The following FKBP4 variants were observed in gnomAD, a reference collection of about 807,000 sequenced individuals.
The protein encoded by FKBP4 is peptidyl-prolyl cis-trans isomerase FKBP4.
FKBP4 carries 28 observed loss-of-function variants against 54.1 expected under a neutral mutation model. That is an observed-to-expected ratio of 0.52 (90% CI 0.38 to 0.71). The LOEUF (loss-of-function observed/expected upper bound fraction) is 0.71. FKBP4 is among the 30% of genes least tolerant of loss of function. FKBP4 has a pLI of 0.00. For missense variants in FKBP4, 493 were observed against 574.4 expected (o/e 0.86, Z 1.45); for synonymous variants, 223 against 216.1 (o/e 1.03, Z -0.28).
In FKBP4 at chr12:2,804,410, T is replaced by C. The variant is rs768761580; in HGVS notation, c.*1152T>C. On this transcript the variant is annotated 3_prime_UTR_variant, in exon 10 of 10. Transcript: ENST00000001008. ...ACCTCCTCCTGTCAGATAACTTACA[T>C]GATTAAGGTTAAGAGTAAAGCAGAG... The C allele has an allele frequency of 5.3e-5, 8 of 152,240 alleles. No homozygotes were observed. The highest frequency in any genetic ancestry group is 1.2e-4 in the Non-Finnish European group (8 of 68,038). The allele number at this position is 152,240 out of a possible 1,614,324, so 9.4% of individuals were successfully genotyped here.
rs1436259321 is a variant in FKBP4 at position 2,804,931 on chromosome 12, G to A, written c.*1673G>A. Reference sequence around the variant, plus strand: ...CCATCTCTTTTTTAAAAAAGTCCCTGTGTAACTGCTTTCTTACTGGGCTTA... The same window carrying A: ...CCATCTCTTTTTTAAAAAAGTCCCTATGTAACTGCTTTCTTACTGGGCTTA... On this transcript the variant is annotated 3_prime_UTR_variant, in exon 10 of 10. Transcript: ENST00000001008. 2 of 232,768 alleles carry A rather than the reference G, an allele frequency of 8.6e-6. No individual in the cohort carries two copies. The highest frequency in any genetic ancestry group is 8.7e-6 in the Non-Finnish European group (1 of 114,860). The allele number at this position is 232,768 out of a possible 1,614,324, so 14.4% of individuals were successfully genotyped here.
chr12:2,797,603 T>C, intron 2 of FKBP4, 126 bp from the exon 3 acceptor site: 1 of 1,182,868 alleles, frequency 8.5e-7, no homozygotes, highest in Non-Finnish European at 1.2e-6. Flanking sequence ...TACCTCACCT[T>C]CTGGTCCCAT....
Position 2,801,267 on chromosome 12 carries a change from G to T in FKBP4, c.1183G>T (p.Val395Leu), listed in dbSNP as rs771391455. 1 of 1,613,900 alleles carries T rather than the reference G, an allele frequency of 6.2e-7. No homozygotes were observed. Among genetic ancestry groups the T allele is most frequent in the Non-Finnish European group, 8.5e-7 (1 of 1,180,040 alleles). ...NNKAAKTQLA[V>L]CQQRIRRQLA... ...CAAAGCCGCCAAGACCCAGCTGGCT[G>T]TGTGCCAGCAGCGGATCCGAAGGCA... The change falls in exon 9 of 10, where the codon GTG (valine) becomes TTG (leucine). Residue 395 changes from valine to leucine, a missense_variant. Transcript: ENST00000001008.
rs200812215 is a variant in FKBP4, at chr12:2,801,100, C to A, written c.1033-17C>A. On this transcript the variant is annotated splice_polypyrimidine_tract_variant and intron_variant, in intron 8 of 9. Transcript: ENST00000001008. ...CCCTGAGCTCCCACAATGTGGCTTC[C>A]TCTCTGCATTCTTTAGGCCCTAGAA... The A allele has an allele frequency of 6.2e-7, 1 of 1,612,980 alleles. No individual in the cohort carries two copies. Among genetic ancestry groups the A allele is most frequent in the African/African-American group, 1.3e-5 (1 of 74,970 alleles).
At chr12:2,796,493 AAAG>A (rs1565395907) in intron 1 of FKBP4, 9 of 1,205,348 alleles carry the variant, frequency 7.5e-6, no homozygotes, top group Non-Finnish European at 9.5e-6. Flanking sequence ...AGGTGGCGCT[AAAG>A]AAGCCTTTAC....
At chr12:2,800,291 G>A in intron 7 of FKBP4, 101 bp from the exon 8 acceptor site, 2 of 1,418,600 alleles carry the variant, frequency 1.4e-6, no homozygotes, top group Admixed American at 2.0e-5. Flanking sequence ...AAGGGTGGGA[G>A]CAGGAACCTC....
At chr12:2,800,933 G>A (rs2097904396) in intron 8 of FKBP4, among the ~76,000 whole-genome samples, 184 bp from the exon 9 acceptor site, 1 of 147,650 alleles carries the variant, frequency 6.8e-6, no homozygotes, top group Admixed American at 6.8e-5. Flanking sequence ...CTCTCTGCCT[G>A]TTGGATTAAA....
At chr12:2,796,245 T>C in intron 1 of FKBP4, 1 of 1,289,210 alleles carries the variant, frequency 7.8e-7, no homozygotes, top group South Asian at 1.2e-5. Flanking sequence ...GGTCCAGAAG[T>C]GCATCTGTCT....
rs763351881 is a variant in FKBP4, at chr12:2,797,784, G to A, written c.306G>A (p.Val102=). The change falls in exon 3 of 10, where the codon GTG becomes GTA. Residue 102 remains valine (V), a synonymous_variant. Coordinates refer to ENST00000001008, the MANE Select transcript of FKBP4 (RefSeq NM_002014.4). ...IAIATMKVGE[V]CHITCKPEYA... Reference sequence around the variant, plus strand: ...TAGCCACCATGAAGGTGGGGGAGGTGTGCCACATCACCTGCAAACCAGAAT... The same window carrying A: ...TAGCCACCATGAAGGTGGGGGAGGTATGCCACATCACCTGCAAACCAGAAT... The A allele has an allele frequency of 6.2e-7, 1 of 1,614,012 alleles. No homozygotes were observed. Among genetic ancestry groups the A allele is most frequent in the South Asian group, 1.1e-5 (1 of 91,068 alleles).
chr12:2,798,790 G>T lies in FKBP4; in HGVS notation c.478G>T (p.Gly160Cys). 1 of 1,614,210 alleles carries T rather than the reference G, an allele frequency of 6.2e-7. No homozygotes were observed. The highest frequency in any genetic ancestry group is 1.7e-5 in the Admixed American group (1 of 60,036). The change falls in exon 4 of 10, where the codon GGC becomes TGC. Residue 160 changes from glycine to cysteine, a missense_variant. By Grantham distance (159) the Gly-to-Cys change is radical. Coordinates refer to ENST00000001008, the MANE Select transcript of FKBP4 (RefSeq NM_002014.4). This position sits in a 1 kb window ranked among gnomAD's most constrained non-coding sequence, Gnocchi z 4.3. ...TCGCAGAATACAGACTCGCGGTGAA[G>T]GCTATGCTAAGCCCAATGAGGGTGC... is the stretch of plus-strand genomic sequence containing the variant. The part of the protein sequence containing the change: ...IIRRIQTRGE[G>C]YAKPNEGAIV...
intron 9 of FKBP4, chr12:2,801,617 C>T (rs957878642): frequency 2.3e-5 from 13 of 560,838 alleles, no homozygotes; most frequent in East Asian, 4.2e-5. Context: ...GGCCAGGCGC[C>T]GTGGCTCACA....
At chr12:2,797,916 T>C in intron 3 of FKBP4, 45 bp downstream of exon 3, 2 of 1,581,812 alleles carry the variant, frequency 1.3e-6, no homozygotes, top group Non-Finnish European at 8.6e-7. Flanking sequence ...CCAGGCCTTA[T>C]CTCAGCCCAA....
At chr12:2,796,955 A>G (rs2097902194) in intron 1 of FKBP4, 183 bp from the exon 2 acceptor site, 2 of 1,381,804 alleles carry the variant, frequency 1.4e-6, no homozygotes. Flanking sequence ...ACCTCAAGAA[A>G]GACAAGAAGG....
At position 2,803,298 on chromosome 12, in the gene FKBP4, C is replaced by T. The variant is rs373364321; in HGVS notation, c.*40C>T. Reference sequence around the variant, plus strand: ...CCCTACTCCTGCGGCTGCCTGCCCCCCAGTCTCCCCACTCCACCCTGTTAG... The same window carrying T: ...CCCTACTCCTGCGGCTGCCTGCCCCTCAGTCTCCCCACTCCACCCTGTTAG... On this transcript the variant is annotated 3_prime_UTR_variant, in exon 10 of 10. Transcript: ENST00000001008. 1.8e-4 allele frequency: 242 copies of T among 1,365,264 alleles called. 4 individuals are homozygous for T. The South Asian group carries it at 2.9e-3, about 16-fold the overall frequency. 84.6% of individuals were successfully genotyped at this position (1,365,264 alleles called of 1,614,324 possible).
Position 2,803,362 on chromosome 12 carries a change from T to C in FKBP4, c.*104T>C, listed in dbSNP as rs948320054. 44 of 778,660 alleles carry C rather than the reference T, an allele frequency of 5.7e-5. No individual in the cohort carries two copies. The highest frequency in any genetic ancestry group is 2.3e-5 in the Admixed American group (1 of 43,646). The allele number at this position is 778,660 out of a possible 1,614,324, so 48.2% of individuals were successfully genotyped here. On this transcript the variant is annotated 3_prime_UTR_variant, in exon 10 of 10. Coordinates refer to ENST00000001008, the MANE Select transcript of FKBP4 (RefSeq NM_002014.4). The stretch of plus-strand genomic sequence containing the variant: ...GAAGAATTTTGAGTGAATTAGACCT[T>C]TATTTTTCTATCTGGTTGGATGGTG...
In FKBP4 at chr12:2,795,937, C is replaced by G. The variant is rs576452622; in HGVS notation, c.105+693C>G. The G allele has an allele frequency of 2.9e-6, 3 of 1,025,042 alleles. No homozygotes were observed. The highest frequency in any genetic ancestry group is 9.9e-5 in the East Asian group (1 of 10,072). 63.5% of individuals were successfully genotyped at this position (1,025,042 alleles called of 1,614,324 possible). A position where few individuals can be genotyped will look rare whatever the true frequency, so the allele number is the denominator to read the frequency against. On this transcript the variant is annotated intron_variant, in intron 1 of 9. Coordinates refer to ENST00000001008, the MANE Select transcript of FKBP4 (RefSeq NM_002014.4). This position sits in a 1 kb window ranked among gnomAD's most constrained non-coding sequence, Gnocchi z 4.3. The stretch of plus-strand genomic sequence containing the variant: ...GCCGGGAGCTGTAGTCCCCTCCCCC[C>G]TCCGCCGCCTCCCGGAGCCAGGGCT...
At chr12:2,801,514 A>C (rs981438271) in intron 9 of FKBP4, 158 bp downstream of exon 9, 1 of 1,046,332 alleles carries the variant, frequency 9.6e-7, no homozygotes, top group African/African-American at 1.6e-5. Context: ...TGTTGGGGCC[A>C]GTGTTCTGTG....
At chr12:2,797,071 C>T in intron 1 of FKBP4, 67 bp from the exon 2 acceptor site, 1 of 1,594,950 alleles carries the variant, frequency 6.3e-7, no homozygotes, top group South Asian at 1.1e-5. Context: ...TGGAGGCTTG[C>T]AGGCAGTGCT....
At chr12:2,796,877 C>CAA (rs1401815861) in intron 1 of FKBP4, 9 of 1,274,240 alleles carry the variant, frequency 7.1e-6, no homozygotes, top group Non-Finnish European at 7.9e-6. Flanking sequence ...AAAAACTTAC[C>CAA]ATACAGCGGA....
Sources: allele counts gnomAD v4.1 joint callset (sites outside exome capture counted in the v4.1 genomes callset), GRCh38; gene constraint gnomAD v4.1.1; non-coding constraint Gnocchi (gnomAD v3.1); transcripts MANE v1.5; gene names NCBI Gene and HGNC (gene_info 2026-07-23, HGNC 2026-07-21).